GRM8: variants seen among roughly 807,000 people sequenced by gnomAD.
GRM8 encodes metabotropic glutamate receptor 8.
A neutral mutation model predicts 87.2 loss-of-function variants in GRM8; 47 were observed. The observed-to-expected ratio is 0.54, with a 90% CI of 0.43 to 0.69. The LOEUF (loss-of-function observed/expected upper bound fraction) is 0.69, where lower values mean the gene tolerates loss of function less well. Ranked by LOEUF, GRM8 falls within the 30% of genes least tolerant of loss-of-function variation. The pLI, the probability that GRM8 is intolerant of heterozygous loss-of-function variation, is 0.00. For missense variants in GRM8, 1,019 were observed against 1,139.2 expected (o/e 0.89, Z 1.52); for synonymous variants, 396 against 404.5 (o/e 0.98, Z 0.25).
intron 3 of GRM8, among the ~76,000 whole-genome samples, chr7:127,052,543 T>C (rs968745635): frequency 2.6e-5 from 4 of 152,218 alleles, no homozygotes; most frequent in Non-Finnish European, 4.4e-5. Context: ...ACAAGCAGTG[T>C]AGGATTTAGA....
chr7:127,143,150 C>A (rs1828370101), intron 2 of GRM8, among the ~76,000 whole-genome samples: 1 of 152,078 alleles, frequency 6.6e-6, no homozygotes. Flanking sequence ...TTTGCATCTT[C>A]CCCTTTAATT....
At chr7:126,917,040 T>C (rs1320707649) in intron 3 of GRM8, among the ~76,000 whole-genome samples, 1 of 152,216 alleles carries the variant, frequency 6.6e-6, no homozygotes, top group African/African-American at 2.4e-5. Context: ...TAGATATGTT[T>C]TGGATAGCAA....
intron 7 of GRM8, among the ~76,000 whole-genome samples, chr7:126,695,883 A>G (rs964881717): frequency 6.6e-6 from 1 of 152,188 alleles, no homozygotes; most frequent in Non-Finnish European, 1.5e-5. Context: ...CCATTCAGGA[A>G]AGAAATGAGG....
intron 6 of GRM8, among the ~76,000 whole-genome samples, chr7:126,865,512 C>A (rs1586244075): frequency 6.6e-6 from 1 of 152,234 alleles, no homozygotes; most frequent in East Asian, 1.9e-4. Flanking sequence ...TCAACATAAC[C>A]AATTTTAGAA....
chr7:126,538,211 G>A (rs185030489), intron 8 of GRM8, among the ~76,000 whole-genome samples: 98 of 152,238 alleles, frequency 6.4e-4, no homozygotes, highest in Non-Finnish European at 9.9e-4. Flanking sequence ...ACAAAGAATC[G>A]TGAAACCAAA....
chr7:126,726,551 C>T (rs1813000770), intron 7 of GRM8, among the ~76,000 whole-genome samples: 1 of 152,140 alleles, frequency 6.6e-6, no homozygotes, highest in Non-Finnish European at 1.5e-5. Flanking sequence ...TACTCCCCAT[C>T]CTGGCCCAGA....
intron 9 of GRM8, among the ~76,000 whole-genome samples, chr7:126,508,172 T>C (rs1010181723): frequency 1.3e-5 from 2 of 151,962 alleles, no homozygotes; most frequent in Non-Finnish European, 2.9e-5. Flanking sequence ...TATTTTTGTA[T>C]ATTATTATCT....
intron 9 of GRM8, among the ~76,000 whole-genome samples, chr7:126,485,729 T>C (rs1211432266): frequency 6.6e-6 from 1 of 151,918 alleles, no homozygotes; most frequent in East Asian, 1.9e-4. Context: ...GAACTAAAAC[T>C]ACAGTCCTAA....
chr7:127,054,402 C>T (rs992213835), intron 3 of GRM8, among the ~76,000 whole-genome samples: 1 of 152,140 alleles, frequency 6.6e-6, no homozygotes, highest in Non-Finnish European at 1.5e-5. Context: ...CCTATTTTAT[C>T]CCACTAAACT....
chr7:127,188,528 G>GA (rs1274889450), intron 2 of GRM8, among the ~76,000 whole-genome samples: 3 of 151,868 alleles, frequency 2.0e-5, no homozygotes, highest in Admixed American at 6.6e-5. Context: ...CACTCACCTT[G>GA]AAAAAAACCA....
chr7:127,088,084 A>C (rs748733044), intron 3 of GRM8, among the ~76,000 whole-genome samples: 17 of 152,244 alleles, frequency 1.1e-4, no homozygotes, highest in Non-Finnish European at 1.9e-4. Context: ...ACAGTCAAAC[A>C]AAATGTCTAT....
At chr7:126,480,725 T>C (rs1422757537) in intron 9 of GRM8, among the ~76,000 whole-genome samples, 7 of 152,032 alleles carry the variant, frequency 4.6e-5, no homozygotes, top group Admixed American at 1.3e-4. Flanking sequence ...CGTGTGTATA[T>C]ATATAAAAAT....
chr7:127,226,269 A>C (rs926355158), intron 2 of GRM8, among the ~76,000 whole-genome samples: 1 of 152,226 alleles, frequency 6.6e-6, no homozygotes, highest in Admixed American at 6.5e-5. Context: ...GATATAACAA[A>C]GAGAAGGCTG....
At chr7:126,649,729 TC>T (rs1803581632) in intron 7 of GRM8, among the ~76,000 whole-genome samples, 2 of 152,206 alleles carry the variant, frequency 1.3e-5, no homozygotes, top group African/African-American at 4.8e-5. Context: ...GGCAATACAT[TC>T]CTCAGTTGGA....
intron 3 of GRM8, among the ~76,000 whole-genome samples, chr7:126,910,003 CT>C (rs34678163): frequency 0.27 from 40,519 of 148,856 alleles, 5,481 homozygotes; most frequent in Middle Eastern, 0.34. Context: ...TTTAAAGACT[CT>C]TTTTTTTTTT....
At chr7:126,492,668 G>T (rs1252943280) in intron 9 of GRM8, among the ~76,000 whole-genome samples, 1 of 152,010 alleles carries the variant, frequency 6.6e-6, no homozygotes, top group African/African-American at 2.4e-5. Context: ...TAAGAATTAA[G>T]ATTCAACCCA....
At chr7:126,933,956 T>C (rs1247165689) in intron 3 of GRM8, among the ~76,000 whole-genome samples, 1 of 152,214 alleles carries the variant, frequency 6.6e-6, no homozygotes, top group African/African-American at 2.4e-5. Flanking sequence ...AAGCCCTTGA[T>C]ATATTTGTTG....
intron 2 of GRM8, among the ~76,000 whole-genome samples, chr7:127,145,132 A>G (rs918011065): frequency 2.0e-5 from 3 of 152,142 alleles, no homozygotes; most frequent in Admixed American, 1.3e-4. Context: ...TAGTAATTAA[A>G]CAGATGACAT....
At chr7:127,025,199 G>A (rs919363637) in intron 3 of GRM8, among the ~76,000 whole-genome samples, 3 of 151,890 alleles carry the variant, frequency 2.0e-5, no homozygotes, top group African/African-American at 7.3e-5. Context: ...TCAAATCTAG[G>A]CTCTTCCTGT....
Sources: allele counts gnomAD v4.1 joint callset (sites outside exome capture counted in the v4.1 genomes callset), GRCh38; gene constraint gnomAD v4.1.1; transcripts MANE v1.5; gene names NCBI Gene and HGNC (gene_info 2026-07-23, HGNC 2026-07-21).